KCNQ5: variants seen among roughly 807,000 people sequenced by gnomAD.
KCNQ5 encodes potassium voltage-gated channel subfamily KQT member 5.
Under a neutral mutation model 98.2 loss-of-function variants are expected in KCNQ5, and 30 were observed. The observed-to-expected ratio is 0.31, with a 90% CI of 0.23 to 0.41. The LOEUF is 0.41. Among genes scored for constraint, KCNQ5 ranks in the 10% least tolerant of loss-of-function variants. The pLI, the probability that KCNQ5 is intolerant of heterozygous loss-of-function variation, is 1.00. For synonymous variants in KCNQ5, 458 were observed against 449.4 expected, an observed-to-expected ratio of 1.02 and a Z score of -0.24; for missense variants, 835 against 1,182.5, an observed-to-expected ratio of 0.71 and a Z score of 4.31.
intron 1 of KCNQ5, among the ~76,000 whole-genome samples, chr6:73,001,728 C>T (rs1769579230): frequency 1.3e-5 from 2 of 152,148 alleles, no homozygotes; most frequent in Non-Finnish European, 2.9e-5. Context: ...TTTACTTTCT[C>T]ATTTATAGTT....
chr6:72,848,659 T>C (rs1294357389), intron 1 of KCNQ5, among the ~76,000 whole-genome samples: 3 of 152,112 alleles, frequency 2.0e-5, no homozygotes, highest in East Asian at 1.9e-4. Context: ...AGACATCTGA[T>C]TGACAAGATT....
At chr6:73,018,597 T>A (rs1770455861) in intron 2 of KCNQ5, among the ~76,000 whole-genome samples, 1 of 152,150 alleles carries the variant, frequency 6.6e-6, no homozygotes, top group South Asian at 2.1e-4. Flanking sequence ...GCCAGAGGCA[T>A]GGCATACATT....
chr6:72,773,029 G>A (rs958533504), intron 1 of KCNQ5, among the ~76,000 whole-genome samples: 5 of 152,074 alleles, frequency 3.3e-5, no homozygotes, highest in Admixed American at 2.6e-4. Flanking sequence ...TATCAGTGTT[G>A]CCCCTTGTAA....
chr6:72,826,544 G>A (rs1776002151), intron 1 of KCNQ5, among the ~76,000 whole-genome samples: 1 of 150,748 alleles, frequency 6.6e-6, no homozygotes, highest in African/African-American at 2.5e-5. Context: ...ATAGGTTCCT[G>A]CTATAATCTT....
chr6:72,767,276 G>A (rs1772621443), intron 1 of KCNQ5, among the ~76,000 whole-genome samples: 1 of 151,914 alleles, frequency 6.6e-6, no homozygotes, highest in South Asian at 2.1e-4. Context: ...AGGGTAACTG[G>A]ATAGCCACAT....
At chr6:72,868,711 C>T (rs946835291) in intron 1 of KCNQ5, among the ~76,000 whole-genome samples, 11 of 152,106 alleles carry the variant, frequency 7.2e-5, no homozygotes, top group Admixed American at 1.3e-4. Context: ...ATGAACAGAG[C>T]TAAATGGATG....
intron 1 of KCNQ5, among the ~76,000 whole-genome samples, chr6:72,712,642 G>A (rs539612724): frequency 6.6e-6 from 1 of 152,156 alleles, no homozygotes; most frequent in African/African-American, 2.4e-5. Context: ...ATGACAGTTG[G>A]GGAAAAATGT....
chr6:72,707,676 T>C (rs1769158332), intron 1 of KCNQ5, among the ~76,000 whole-genome samples: 1 of 152,206 alleles, frequency 6.6e-6, no homozygotes, highest in Non-Finnish European at 1.5e-5. Flanking sequence ...AGATCCCACT[T>C]ATAAATTTTA....
intron 1 of KCNQ5, among the ~76,000 whole-genome samples, chr6:72,887,483 C>T (rs907701835): frequency 6.6e-6 from 1 of 151,886 alleles, no homozygotes; most frequent in African/African-American, 2.4e-5. Context: ...CACAGCCAAA[C>T]CATATCAGAA....
At chr6:72,623,739 C>A (rs2098916731) in intron 1 of KCNQ5, among the ~76,000 whole-genome samples, 1 of 151,978 alleles carries the variant, frequency 6.6e-6, no homozygotes, top group Non-Finnish European at 1.5e-5. Context: ...CCTTAGAAGA[C>A]CAGTAGAGAA....
intron 1 of KCNQ5, among the ~76,000 whole-genome samples, chr6:72,893,010 C>A (rs770182279): frequency 1.8e-4 from 27 of 152,244 alleles, no homozygotes; most frequent in Non-Finnish European, 3.2e-4. Context: ...TGTTCATTTT[C>A]CATTTGCCTA....
chr6:72,647,539 T>C (rs577040681), intron 1 of KCNQ5, among the ~76,000 whole-genome samples: 1 of 152,010 alleles, frequency 6.6e-6, no homozygotes, highest in African/African-American at 2.4e-5. Context: ...ACTGAGAGAC[T>C]GATCATCTGG....
At chr6:72,971,471 T>C (rs1767893669) in intron 1 of KCNQ5, among the ~76,000 whole-genome samples, 1 of 152,160 alleles carries the variant, frequency 6.6e-6, no homozygotes, top group African/African-American at 2.4e-5. Flanking sequence ...AGAAATACCA[T>C]TTGACCCAGC....
intron 9 of KCNQ5, chr6:73,129,706 T>C: frequency 9.0e-7 from 1 of 1,107,950 alleles, no homozygotes. Context: ...TAAAGCCAAA[T>C]GGCTTTGTTT....
chr6:73,188,589 T>C (rs896299213), intron 11 of KCNQ5, among the ~76,000 whole-genome samples: 1 of 152,196 alleles, frequency 6.6e-6, no homozygotes, highest in Non-Finnish European at 1.5e-5. Context: ...TCAACAAATA[T>C]TTTTTACTGT....
chr6:73,032,204 A>T (rs962161141), intron 2 of KCNQ5, among the ~76,000 whole-genome samples: 1 of 152,154 alleles, frequency 6.6e-6, no homozygotes, highest in Non-Finnish European at 1.5e-5. Flanking sequence ...ATTTTATTTA[A>T]ATTTGTGTAT....
chr6:72,739,120 T>C (rs767238852), intron 1 of KCNQ5, among the ~76,000 whole-genome samples: 4 of 152,112 alleles, frequency 2.6e-5, no homozygotes, highest in East Asian at 1.9e-4. Flanking sequence ...GGGATCTCAA[T>C]AGTGGAGAAA....
rs1004075191 is a variant in KCNQ5, at chr6:73,103,537, T to C, written c.919-1720T>C. ...CATTAGGAGAAATACCTAATGTAGATGATGAGTTAATGGGTGCAGCACACC... is the reference window on the plus strand; with the variant it reads ...CATTAGGAGAAATACCTAATGTAGACGATGAGTTAATGGGTGCAGCACACC... On this transcript the variant is annotated intron_variant, in intron 5 of 13. Transcript: ENST00000370398. Among the ~76,000 whole-genome samples the C allele has an allele frequency of 5.3e-5, 8 of 152,078 alleles. No homozygotes were observed. The East Asian group carries it at 1.5e-3, about 29-fold the overall frequency.
At chr6:72,722,245 A>G (rs719830) in intron 1 of KCNQ5, among the ~76,000 whole-genome samples, 19,421 of 152,192 alleles carry the variant, frequency 0.13, 1,324 homozygotes, top group South Asian at 0.18. Context: ...TACAAGGCAT[A>G]CTGTCCCTTT....
Sources: gnomAD v4.1 joint callset for allele counts (sites outside exome capture counted in the v4.1 genomes callset) on GRCh38, gnomAD v4.1.1 for gene constraint, MANE v1.5 for transcripts, NCBI Gene and HGNC (gene_info 2026-07-23, HGNC 2026-07-21) for gene names.